The following C4orf51 variants were observed in gnomAD, a reference collection of about 807,000 sequenced individuals.
C4orf51 encodes chromosome 4 open reading frame 51, also known as uncharacterized protein C4orf51.
C4orf51 carries 25 observed loss-of-function variants against 25.2 expected under a neutral mutation model. The ratio of observed to expected loss-of-function variants is 0.99; its 90% confidence interval spans 0.72 to 1.39. C4orf51 has a LOEUF of 1.39. Ranked by LOEUF, C4orf51 falls within the 40% of genes most tolerant of loss-of-function variation. C4orf51 has a pLI of 0.00. For synonymous variants in C4orf51, 100 were observed against 84.5 expected (o/e 1.18, Z -1.01); for missense variants, 252 against 239.6 (o/e 1.05, Z -0.34).
chr4:145,706,834 A>C (rs1730839983), intron 2 of C4orf51, among the ~76,000 whole-genome samples: 1 of 125,470 alleles, frequency 8.0e-6, no homozygotes, highest in Non-Finnish European at 1.7e-5. Flanking sequence ...TTTTTGAGAC[A>C]GAGTTTCCCT....
the C4orf51 span, among the ~76,000 whole-genome samples, chr4:145,782,191 T>C: frequency 6.6e-6 from 1 of 152,206 alleles, no homozygotes. Flanking sequence ...TCCATTTTTA[T>C]TTTGCACACA....
rs115007160 is a variant in C4orf51 at position 145,705,617 on chromosome 4, G to A, written c.307+8985G>A. On this transcript the variant is annotated intron_variant, in intron 2 of 5. Coordinates refer to ENST00000438731, the MANE Select transcript of C4orf51 (RefSeq NM_001080531.3). The stretch of plus-strand genomic sequence containing the variant: ...GCTGTCATGGCAGAGCTGATTCCAT[G>A]AGTTGGTGAAAGCCGTATCCAACCA... Among the ~76,000 whole-genome samples, 659 of 152,280 alleles carry A rather than the reference G, an allele frequency of 4.3e-3. 7 individuals are homozygous for A. The highest frequency in any genetic ancestry group is 0.015 in the African/African-American group (633 of 41,566).
the C4orf51 span, among the ~76,000 whole-genome samples, chr4:145,785,742 C>T: frequency 6.6e-6 from 1 of 152,142 alleles, no homozygotes; most frequent in Admixed American, 6.5e-5. Context: ...AGAGACAGAC[C>T]CACGGTGTCA....
chr4:145,732,901 C>G (rs1010083022), downstream of C4orf51: 8 of 174,662 alleles, frequency 4.6e-5, no homozygotes, highest in Admixed American at 4.4e-4. Flanking sequence ...TCTGGGAGCC[C>G]CGGGGAAGGC....
Position 145,729,847 on chromosome 4 carries a change from C to G in C4orf51, c.428-45C>G, listed in dbSNP as rs781647800. 23 of 1,520,218 alleles carry G rather than the reference C, an allele frequency of 1.5e-5. No homozygotes were observed. In the South Asian group the frequency reaches 1.8e-4, roughly 12 times the overall value. The allele number at this position is 1,520,218 out of a possible 1,614,324, so 94.2% of individuals were successfully genotyped here. On this transcript the variant is annotated intron_variant, in intron 4 of 5. Coordinates refer to ENST00000438731, the MANE Select transcript of C4orf51 (RefSeq NM_001080531.3). ...CAGGAAATTTCACTTATGGTAGACT[C>G]TCTTTATCGCAAACACTCACACATT...
At position 145,727,895 on chromosome 4, in the gene C4orf51, GTATATATATA is replaced by G. The variant is rs35521926; in HGVS notation, c.366+945_366+954del. On this transcript the variant is annotated intron_variant, in intron 3 of 5. Transcript: ENST00000438731. ...GAAACTCCACCTACAAAAAAAATGTGTATATATATATATATATATATATATATAAAATATA... is the reference window on the plus strand; with the variant it reads ...GAAACTCCACCTACAAAAAAAATGTGTATATATATATATATATAAAATATA... Among the ~76,000 whole-genome samples, 17 of 101,618 alleles carry G rather than the reference GTATATATATA, an allele frequency of 1.7e-4. 2 individuals are homozygous for G. The highest frequency in any genetic ancestry group is 5.9e-4 in the South Asian group (2 of 3,374). 66.7% of individuals were successfully genotyped at this position (101,618 alleles called of 152,430 possible).
In C4orf51 at chr4:145,729,248, T is replaced by A. The variant is rs1732286443; in HGVS notation, c.427+19T>A. ...AAATACTGTAAGTCCCATCCTGAAC[T>A]ACTACTTTACATCCATTTTCTGGCC... On this transcript the variant is annotated intron_variant, in intron 4 of 5. Transcript: ENST00000438731. The A allele has an allele frequency of 6.7e-7, 1 of 1,498,514 alleles. No homozygotes were observed. The highest frequency in any genetic ancestry group is 1.4e-5 in the African/African-American group (1 of 71,960). The allele number at this position is 1,498,514 out of a possible 1,614,324, so 92.8% of individuals were successfully genotyped here.
intron 2 of C4orf51, among the ~76,000 whole-genome samples, chr4:145,717,612 G>C (rs1731492057): frequency 6.6e-6 from 1 of 152,192 alleles, no homozygotes; most frequent in Admixed American, 6.5e-5. Context: ...TCAACTTGTT[G>C]TTCCTTTGTA....
chr4:145,765,045 G>A lies in C4orf51; in HGVS notation n.167-5943G>A, dbSNP rs1735075985. On this transcript the variant is annotated intron_variant and non_coding_transcript_variant, in intron 1 of 1. Transcript: ENST00000510096. This position sits in a 1 kb window ranked among gnomAD's most constrained non-coding sequence, Gnocchi z 4.7. The stretch of plus-strand genomic sequence containing the variant: ...CTTATGCTCCAGCAGCTGTTCGGGG[G>A]TCTTCATGAACTTGTGGCACACATC... 1 of 1,614,082 alleles carries A rather than the reference G, an allele frequency of 6.2e-7. No homozygotes were observed. The highest frequency in any genetic ancestry group is 8.5e-7 in the Non-Finnish European group (1 of 1,180,038).
downstream of C4orf51, among the ~76,000 whole-genome samples, chr4:145,737,596 C>T (rs551514188): frequency 4.6e-5 from 7 of 152,034 alleles, no homozygotes; most frequent in Non-Finnish European, 8.8e-5. Flanking sequence ...TTTCTAAGGG[C>T]TTGTATGTCT....
intron 1 of C4orf51, among the ~76,000 whole-genome samples, chr4:145,690,626 G>A (rs1209966777): frequency 6.6e-6 from 1 of 152,058 alleles, no homozygotes; most frequent in Non-Finnish European, 1.5e-5. Context: ...AACAAAAACT[G>A]ACAATTGGGA....
At chr4:145,775,806 T>C (rs763547175), downstream of C4orf51, 3 of 1,614,058 alleles carry the variant, frequency 1.9e-6, no homozygotes, top group East Asian at 6.7e-5. Context: ...AATAAGGATG[T>C]TTCTTCCCAT....
At chr4:145,783,848 T>C in the C4orf51 span, among the ~76,000 whole-genome samples, 2 of 152,204 alleles carry the variant, frequency 1.3e-5, no homozygotes, top group African/African-American at 4.8e-5. Context: ...GGTTTGGTTC[T>C]GTGTCCCTGC....
At chr4:145,690,832 G>A (rs1436181330) in intron 1 of C4orf51, among the ~76,000 whole-genome samples, 1 of 152,092 alleles carries the variant, frequency 6.6e-6, no homozygotes, top group Non-Finnish European at 1.5e-5. Context: ...CAGGTGTGGT[G>A]GCTCATGACT....
chr4:145,731,390 A>C (rs1163849829), intron 5 of C4orf51, among the ~76,000 whole-genome samples: 1 of 152,010 alleles, frequency 6.6e-6, no homozygotes, highest in Non-Finnish European at 1.5e-5. Flanking sequence ...CCCAACAAAT[A>C]AATGACATTA....
chr4:145,689,594 T>C (rs998215616), intron 1 of C4orf51, among the ~76,000 whole-genome samples: 1 of 151,982 alleles, frequency 6.6e-6, no homozygotes, highest in Admixed American at 6.6e-5. Flanking sequence ...AAAATGCAAA[T>C]TAAAACCACA....
intron 1 of C4orf51, among the ~76,000 whole-genome samples, chr4:145,744,665 A>G (rs1733269994): frequency 6.6e-6 from 1 of 152,104 alleles, no homozygotes; most frequent in Admixed American, 6.6e-5. Flanking sequence ...ACAAAAAATT[A>G]GCAATTCTAC....
In C4orf51 at chr4:145,719,833, T is replaced by C. The variant is rs149910127; in HGVS notation, c.308-7078T>C. ...CAAACCCCAAATCTGAAACGTATGC[T>C]TGAGGAATATAAATAAGGGATGGCA... is the stretch of plus-strand genomic sequence containing the variant. On this transcript the variant is annotated intron_variant, in intron 2 of 5. Coordinates refer to ENST00000438731, the MANE Select transcript of C4orf51 (RefSeq NM_001080531.3). Among the ~76,000 whole-genome samples, 640 of 152,190 alleles carry C rather than the reference T, an allele frequency of 4.2e-3. 5 individuals are homozygous for C. The highest frequency in any genetic ancestry group is 0.015 in the African/African-American group (620 of 41,512).
the C4orf51 span, among the ~76,000 whole-genome samples, chr4:145,780,830 T>C: frequency 6.6e-6 from 1 of 152,242 alleles, no homozygotes; most frequent in Non-Finnish European, 1.5e-5. Flanking sequence ...TAAAGCTCAG[T>C]ACTGCATTAT....
Sources: allele counts gnomAD v4.1 joint callset (sites outside exome capture counted in the v4.1 genomes callset), GRCh38; gene constraint gnomAD v4.1.1; non-coding constraint Gnocchi (gnomAD v3.1); transcripts MANE v1.5; gene names NCBI Gene and HGNC (gene_info 2026-07-23, HGNC 2026-07-21).